DKK2: variants seen among roughly 807,000 people sequenced by gnomAD.
DKK2 encodes the protein dickkopf Wnt signaling pathway inhibitor 2.
Under a neutral mutation model 28.1 loss-of-function variants are expected in DKK2, and 11 were observed. The ratio of observed to expected loss-of-function variants is 0.39; its 90% CI spans 0.25 to 0.65. The LOEUF is 0.65. Among genes scored for constraint, DKK2 ranks in the 30% least tolerant of loss-of-function variants. The pLI, the probability that DKK2 is intolerant of heterozygous loss-of-function variation, is 0.47. For missense variants in DKK2, 326 were observed against 335.5 expected (o/e 0.97, Z 0.22); for synonymous variants, 135 against 126.5 (o/e 1.07, Z -0.45).
chr4:106,962,630 T>C (rs527988436), intron 1 of DKK2, among the ~76,000 whole-genome samples: 1 of 151,450 alleles, frequency 6.6e-6, no homozygotes, highest in South Asian at 2.1e-4. Flanking sequence ...AAGATTTCAA[T>C]CTAAGACCTG....
chr4:106,973,973 A>G (rs1310740404), intron 1 of DKK2, among the ~76,000 whole-genome samples: 1 of 152,180 alleles, frequency 6.6e-6, no homozygotes. Flanking sequence ...GTTTCCCAAC[A>G]CCATTTATTA....
At position 106,922,426 on chromosome 4, in the gene DKK2, G is replaced by A. The variant is rs999763898; in HGVS notation, c.*1528C>T. ...AAAAAAGTAGTAAAGTGGTTTCAAA[G>A]AATTTAGAAACTGTGGTGTCTATAG... On this transcript the variant is annotated 3_prime_UTR_variant, in exon 4 of 4. Transcript: ENST00000285311. The A allele has an allele frequency of 6.6e-6, 1 of 152,184 alleles. No individual in the cohort carries two copies. Among genetic ancestry groups the A allele is most frequent in the Non-Finnish European group, 1.5e-5 (1 of 68,034 alleles). 9.4% of individuals were successfully genotyped at this position (152,184 alleles called of 1,614,324 possible).
At chr4:107,025,108 G>T (rs904066616) in intron 1 of DKK2, among the ~76,000 whole-genome samples, 17 of 152,256 alleles carry the variant, frequency 1.1e-4, no homozygotes, top group African/African-American at 3.8e-4. Context: ...TCCACGTGAG[G>T]TTGAAGAAGG....
intron 1 of DKK2, among the ~76,000 whole-genome samples, chr4:107,025,173 C>T (rs1239506195): frequency 6.6e-6 from 1 of 152,166 alleles, no homozygotes; most frequent in Non-Finnish European, 1.5e-5. Flanking sequence ...GCTCAGGCTG[C>T]TTCCAGCACC....
chr4:106,975,394 C>G (rs972748276), intron 1 of DKK2, among the ~76,000 whole-genome samples: 1 of 152,086 alleles, frequency 6.6e-6, no homozygotes, highest in Non-Finnish European at 1.5e-5. Context: ...GGTTGCTAGG[C>G]TATTAAATAC....
intron 1 of DKK2, among the ~76,000 whole-genome samples, chr4:106,993,259 A>G (rs1294698723): frequency 6.6e-6 from 1 of 152,220 alleles, no homozygotes; most frequent in Admixed American, 6.5e-5. Flanking sequence ...AATTTGAATG[A>G]TATTTATCTT....
At chr4:106,930,809 A>C (rs1471745165) in intron 1 of DKK2, among the ~76,000 whole-genome samples, 1 of 152,160 alleles carries the variant, frequency 6.6e-6, no homozygotes, top group East Asian at 1.9e-4. Flanking sequence ...AGGCTAGTGG[A>C]TAGATGGAGG....
chr4:106,991,853 A>G (rs1056490282), intron 1 of DKK2, among the ~76,000 whole-genome samples: 4 of 152,174 alleles, frequency 2.6e-5, no homozygotes, highest in African/African-American at 4.8e-5. Flanking sequence ...GGCCTACACC[A>G]TCAGCTCCAT....
chr4:106,978,612 G>C (rs1722977989), intron 1 of DKK2, among the ~76,000 whole-genome samples: 1 of 152,050 alleles, frequency 6.6e-6, no homozygotes, highest in Non-Finnish European at 1.5e-5. Context: ...AAGCATACCA[G>C]GTCGACTTCA....
intron 1 of DKK2, among the ~76,000 whole-genome samples, chr4:106,945,057 G>A (rs1724757248): frequency 6.6e-6 from 1 of 152,052 alleles, no homozygotes; most frequent in African/African-American, 2.4e-5. Context: ...ATAAGGTTAT[G>A]GTCATGCACC....
At chr4:106,955,333 AG>A (rs1236977485) in intron 1 of DKK2, among the ~76,000 whole-genome samples, 1 of 152,178 alleles carries the variant, frequency 6.6e-6, no homozygotes, top group Non-Finnish European at 1.5e-5. Flanking sequence ...GCATCTTTAC[AG>A]CTAACAATTT....
At chr4:107,032,476 CAT>C (rs1224875874) in intron 1 of DKK2, among the ~76,000 whole-genome samples, 1 of 152,202 alleles carries the variant, frequency 6.6e-6, no homozygotes, top group East Asian at 1.9e-4. Context: ...CTATAGAGCT[CAT>C]ATAGTCTCAT....
At chr4:107,025,284 G>A (rs1723757262) in intron 1 of DKK2, among the ~76,000 whole-genome samples, 1 of 152,136 alleles carries the variant, frequency 6.6e-6, no homozygotes, top group Non-Finnish European at 1.5e-5. Context: ...GTAGTCTAAT[G>A]GGTCGGTGGT....
intron 1 of DKK2, among the ~76,000 whole-genome samples, chr4:107,003,419 T>C (rs7696721): frequency 0.052 from 7,883 of 152,302 alleles, 331 homozygotes; most frequent in African/African-American, 0.12. Context: ...GCTCTACTTC[T>C]TGGATGCTCT....
intron 1 of DKK2, among the ~76,000 whole-genome samples, chr4:107,033,870 G>A (rs1479284711): frequency 1.3e-5 from 2 of 152,158 alleles, no homozygotes; most frequent in Non-Finnish European, 2.9e-5. Context: ...TGACTCGCAG[G>A]AGAGAAAAAG....
intron 1 of DKK2, among the ~76,000 whole-genome samples, chr4:106,951,523 G>T (rs1221962109): frequency 6.6e-6 from 1 of 152,114 alleles, no homozygotes; most frequent in Non-Finnish European, 1.5e-5. Context: ...ATGAAACCGT[G>T]TCATTTGCAG....
Position 106,923,943 on chromosome 4 carries a change from C to T in DKK2, c.*11G>A. ...TCACAGTCTGCAATTGATGATGTTC[C>T]TCAATGGTGATCAAATTTTCTGACA... On this transcript the variant is annotated 3_prime_UTR_variant, in exon 4 of 4. Coordinates refer to ENST00000285311, the MANE Select transcript of DKK2 (RefSeq NM_014421.3). 6.2e-7 allele frequency: 1 copy of T among 1,612,882 alleles called. No homozygotes were observed. The highest frequency in any genetic ancestry group is 8.5e-7 in the Non-Finnish European group (1 of 1,178,948).
intron 1 of DKK2, among the ~76,000 whole-genome samples, chr4:107,026,474 T>C (rs774031357): frequency 3.3e-5 from 5 of 152,184 alleles, no homozygotes; most frequent in Non-Finnish European, 7.4e-5. Flanking sequence ...ACTTGCACAT[T>C]TTAATCAGAC....
intron 1 of DKK2, among the ~76,000 whole-genome samples, chr4:106,934,038 T>C (rs549611168): frequency 2.7e-5 from 4 of 150,200 alleles, no homozygotes; most frequent in South Asian, 2.1e-4. Flanking sequence ...TATATATATA[T>C]ACATCTGCAT....
Sources: gnomAD v4.1 joint callset for allele counts (sites outside exome capture counted in the v4.1 genomes callset) on GRCh38, gnomAD v4.1.1 for gene constraint, MANE v1.5 for transcripts, NCBI Gene and HGNC (gene_info 2026-07-23, HGNC 2026-07-21) for gene names.